The following APC2 variants were observed in gnomAD, a reference collection of about 807,000 sequenced individuals.
APC2 encodes APC regulator of Wnt signaling pathway 2.
Under a neutral mutation model 72.5 loss-of-function variants are expected in APC2, and 41 were observed. That is an observed-to-expected ratio of 0.57 (90% CI 0.44 to 0.73). The LOEUF is 0.73. APC2 is among the 30% of genes least tolerant of loss of function. The pLI, the probability that APC2 is intolerant of heterozygous loss-of-function variation, is 0.00. For synonymous variants in APC2, 1,898 were observed against 1,612.0 expected (o/e 1.18, Z -4.25); for missense variants, 3,729 against 3,403.4 (o/e 1.10, Z -2.38).
At chr19:1,461,499 G>GCGGAGGTTGC (rs1414966098) in intron 13 of APC2, 2 of 383,346 alleles carry the variant, frequency 5.2e-6, no homozygotes, top group Non-Finnish European at 4.8e-6. Flanking sequence ...AACCTAGGAG[G>GCGGAGGTTGC]CGGAGGTTGC....
intron 1 of APC2, among the ~76,000 whole-genome samples, chr19:1,450,984 C>T (rs1237233282): frequency 2.6e-5 from 4 of 152,258 alleles, no homozygotes; most frequent in East Asian, 3.9e-4. Flanking sequence ...GGAGTCGGAG[C>T]GTATCCTGAG....
At chr19:1,456,508 G>T in intron 8 of APC2, 104 bp downstream of exon 8, 3 of 1,220,182 alleles carry the variant, frequency 2.5e-6, no homozygotes, top group Non-Finnish European at 3.4e-6. Context: ...CCTCCATCCA[G>T]CACCCCCTCG....
chr19:1,456,944 A>C lies in APC2; in HGVS notation c.908A>C (p.Glu303Ala), dbSNP rs759750192. Residue 303 changes from glutamate to alanine, a missense_variant, in exon 9 of 15, where the codon GAG becomes GCG. By Grantham distance (107) the Glu-to-Ala change is moderately radical (BLOSUM62 -1). Coordinates refer to ENST00000590469, the MANE Select transcript of APC2 (RefSeq NM_005883.3). The stretch of plus-strand genomic sequence containing the variant: ...CTGCTGGCCATGTCCAGCTCGCCCG[A>C]GAGCTGCGTGGCCATGCGCCGCTCG... ...RTLLAMSSSP[E>A]SCVAMRRSGC... 2.3e-5 allele frequency: 35 copies of C among 1,553,538 alleles called. No homozygotes were observed. The Middle Eastern group carries it at 6.8e-4, about 30-fold the overall frequency.
rs2145198828 is a variant in APC2 at position 1,457,253 on chromosome 19, T to C, written c.1207+10T>C. 6.6e-7 allele frequency: 1 copy of C among 1,510,938 alleles called. No homozygotes were observed. The highest frequency in any genetic ancestry group is 8.8e-7 in the Non-Finnish European group (1 of 1,135,352). 93.6% of individuals were successfully genotyped at this position (1,510,938 alleles called of 1,614,324 possible). On this transcript the variant is annotated intron_variant, in intron 9 of 14. Coordinates refer to ENST00000590469, the MANE Select transcript of APC2 (RefSeq NM_005883.3). ...GGTGGCGCCGGCAGCGGTGAGTGCC[T>C]GGCCTGGTGGGCCCCCTCCGCGCAA...
At position 1,470,844 on chromosome 19, in the gene APC2, A is replaced by T. The variant is rs2084122458; in HGVS notation, c.*631A>T. The T allele has an allele frequency of 1.3e-5, 2 of 152,360 alleles. No homozygotes were observed. The highest frequency in any genetic ancestry group is 6.5e-5 in the Admixed American group (1 of 15,308). The allele number at this position is 152,360 out of a possible 1,614,324, so 9.4% of individuals were successfully genotyped here. ...AGCCCCGCCCAGACGGTGTTCAGGG[A>T]ACCCGGAGCCCAAGCGCTCCGGCGG... On this transcript the variant is annotated 3_prime_UTR_variant, in exon 15 of 15. Transcript: ENST00000590469.
chr19:1,468,528 G>A lies in APC2; in HGVS notation c.5227G>A (p.Gly1743Arg), dbSNP rs768024286. 1.0e-5 allele frequency: 16 copies of A among 1,602,720 alleles called. No homozygotes were observed. Among genetic ancestry groups the A allele is most frequent in the East Asian group, 2.2e-5 (1 of 44,546 alleles). Residue 1743 changes from glycine to arginine, a missense_variant, in exon 15 of 15, where the codon GGA becomes AGA. Gly to Arg is a moderately radical substitution (Grantham distance 125, BLOSUM62 -2). Coordinates refer to ENST00000590469, the MANE Select transcript of APC2 (RefSeq NM_005883.3). ...PKHRKGRQAEGEMGSARRPEK... is the reference protein window; with the variant it reads ...PKHRKGRQAEREMGSARRPEK... ...GCACAGGAAGGGACGACAGGCGGAGGGAGAAATGGGCAGTGCCCGGCGGCC... is the reference window on the plus strand; with the variant it reads ...GCACAGGAAGGGACGACAGGCGGAGAGAGAAATGGGCAGTGCCCGGCGGCC...
chr19:1,451,665 CCT>C (rs2145176510), intron 1 of APC2: 1 of 152,446 alleles, frequency 6.6e-6, no homozygotes, highest in African/African-American at 2.4e-5. Flanking sequence ...GGGTGCCAGA[CCT>C]CGGTTCCTAG....
At position 1,455,135 on chromosome 19, in the gene APC2, G is replaced by A. The variant is rs754458161; in HGVS notation, c.414-14G>A. 2 of 1,550,196 alleles carry A rather than the reference G, an allele frequency of 1.3e-6. No individual in the cohort carries two copies. Among genetic ancestry groups the A allele is most frequent in the Admixed American group, 2.2e-5 (1 of 45,932 alleles). On this transcript the variant is annotated splice_polypyrimidine_tract_variant and intron_variant, in intron 4 of 14. Transcript: ENST00000590469. The stretch of plus-strand genomic sequence containing the variant: ...GCCGCCCTCTGAGCCCGCCCCCGCT[G>A]ACTTGCTCCCCAGGTGTTTCCTGCT...
Position 1,456,848 on chromosome 19 carries a change from C to A in APC2, c.817-5C>A. On this transcript the variant is annotated splice_region_variant and splice_polypyrimidine_tract_variant and intron_variant, in intron 8 of 14. Transcript: ENST00000590469. ...GACCCCACCCTGACCCTGCCCTCCCCCCAGGTGGAGGTGGTCTTCTGGCTG... is the reference window on the plus strand; with the variant it reads ...GACCCCACCCTGACCCTGCCCTCCCACCAGGTGGAGGTGGTCTTCTGGCTG... 6.3e-7 allele frequency: 1 copy of A among 1,594,280 alleles called. No individual in the cohort carries two copies.
At position 1,455,145 on chromosome 19, in the gene APC2, C is replaced by G; in HGVS notation, c.414-4C>G. ...GAGCCCGCCCCCGCTGACTTGCTCC[C>G]CAGGTGTTTCCTGCTGAATGAGATT... On this transcript the variant is annotated splice_region_variant and splice_polypyrimidine_tract_variant and intron_variant, in intron 4 of 14. Transcript: ENST00000590469. The G allele has an allele frequency of 6.4e-7, 1 of 1,567,080 alleles. No homozygotes were observed. The highest frequency in any genetic ancestry group is 8.6e-7 in the Non-Finnish European group (1 of 1,165,608).
Position 1,467,628 on chromosome 19 carries a change from C to T in APC2, c.4327C>T (p.His1443Tyr), listed in dbSNP as rs2084042469. The change falls in exon 15 of 15, where the codon CAC (histidine) becomes TAC (tyrosine). Residue 1443 changes from histidine (H) to tyrosine (Y), a missense_variant. By Grantham distance (83) the His-to-Tyr change is moderately conservative. Transcript: ENST00000590469. ...TSARQAMGHRHKAGGAGRSAE... is the reference protein window; with the variant it reads ...TSARQAMGHRYKAGGAGRSAE... ...TGCCAGACAGGCCATGGGGCACCGG[C>T]ACAAGGCGGGAGGCGCCGGCCGCAG... is the stretch of plus-strand genomic sequence containing the variant. 6.7e-7 allele frequency: 1 copy of T among 1,489,440 alleles called. No homozygotes were observed. The highest frequency in any genetic ancestry group is 1.3e-5 in the South Asian group (1 of 78,324). 92.3% of individuals were successfully genotyped at this position (1,489,440 alleles called of 1,614,324 possible).
Position 1,460,303 on chromosome 19 carries a change from G to A in APC2, c.1426G>A (p.Gly476Arg). Residue 476 changes from glycine (G) to arginine (R), a missense_variant, in exon 11 of 15, where the codon GGG (glycine) becomes AGG (arginine). Transcript: ENST00000590469. Reference protein sequence around the residue: ...AGMTLTNLTFGDVANKATLCA... With the variant: ...AGMTLTNLTFRDVANKATLCA... ...CATGACCCTCACCAACCTCACCTTT[G>A]GGGACGTTGCCAACAAGGTGCCCGG... The A allele has an allele frequency of 6.2e-7, 1 of 1,613,468 alleles. No individual in the cohort carries two copies. The highest frequency in any genetic ancestry group is 8.5e-7 in the Non-Finnish European group (1 of 1,180,006).
intron 4 of APC2, among the ~76,000 whole-genome samples, chr19:1,454,193 C>T (rs907831988): frequency 1.3e-5 from 2 of 152,108 alleles, no homozygotes; most frequent in African/African-American, 2.4e-5. Context: ...ATCGGAATGG[C>T]CGTGTCTCCC....
At chr19:1,459,173 G>A (rs1230323487) in intron 10 of APC2, among the ~76,000 whole-genome samples, 1 of 152,084 alleles carries the variant, frequency 6.6e-6, no homozygotes, top group South Asian at 2.1e-4. Context: ...CATCCTCAAG[G>A]TGCACCTACG....
At chr19:1,460,112 G>C in intron 10 of APC2, 69 bp from the exon 11 acceptor site, 7 of 1,601,698 alleles carry the variant, frequency 4.4e-6, no homozygotes, top group Non-Finnish European at 6.0e-6. Context: ...GGGCAAGGGA[G>C]TGAGGTGGGG....
chr19:1,469,246 G>C lies in APC2; in HGVS notation c.5945G>C (p.Gly1982Ala). 3 of 1,426,362 alleles carry C rather than the reference G, an allele frequency of 2.1e-6. No homozygotes were observed. Among genetic ancestry groups the C allele is most frequent in the Non-Finnish European group, 2.8e-6 (3 of 1,088,100 alleles). 88.4% of individuals were successfully genotyped at this position (1,426,362 alleles called of 1,614,324 possible). ...CGTGTGGCCTCAGCCCTCTCCAGCG[G>C]CAGCGAGTCCTCCGACCGCTCGGGC... ...LVRVASALSS[G>A]SESSDRSGFR... The change falls in exon 15 of 15, where the codon GGC becomes GCC. Residue 1982 changes from glycine (G) to alanine (A), a missense_variant. By Grantham distance (60) the Gly-to-Ala change is moderately conservative. Transcript: ENST00000590469.
At chr19:1,461,240 G>A in intron 13 of APC2, 87 bp downstream of exon 13, 2 of 1,207,978 alleles carry the variant, frequency 1.7e-6, no homozygotes, top group South Asian at 1.2e-5. Context: ...CGACTTGGGA[G>A]GAAATCAAGT....
intron 6 of APC2, 134 bp from the exon 7 acceptor site, chr19:1,455,942 G>A: frequency 1.1e-6 from 1 of 882,524 alleles, no homozygotes; most frequent in East Asian, 2.7e-5. Flanking sequence ...GGCAGAGGTA[G>A]GGTCAGGGCC....
chr19:1,456,171 G>T lies in APC2; in HGVS notation c.717+18G>T. 1 of 1,574,602 alleles carries T rather than the reference G, an allele frequency of 6.4e-7. No individual in the cohort carries two copies. Among genetic ancestry groups the T allele is most frequent in the Non-Finnish European group, 8.6e-7 (1 of 1,162,902 alleles). ...AGCCCCAGGTACCGGGTGGGGCAGAGCCAGGGACCAGGGGTGGTGTCGGCC... is the reference window on the plus strand; with the variant it reads ...AGCCCCAGGTACCGGGTGGGGCAGATCCAGGGACCAGGGGTGGTGTCGGCC... On this transcript the variant is annotated intron_variant, in intron 7 of 14. Transcript: ENST00000590469.
Sources: allele counts gnomAD v4.1 joint callset (sites outside exome capture counted in the v4.1 genomes callset), GRCh38; gene constraint gnomAD v4.1.1; transcripts MANE v1.5; gene names NCBI Gene and HGNC (gene_info 2026-07-23, HGNC 2026-07-21).